Variants in RHBDL3 observed in about 807,000 individuals in gnomAD.
The protein encoded by RHBDL3 is rhomboid like 3.
RHBDL3 carries 28 observed loss-of-function variants against 48.2 expected under a neutral mutation model. The ratio of observed to expected loss-of-function variants is 0.58; its 90% CI spans 0.43 to 0.80. The LOEUF is 0.80. RHBDL3 is among the 30% of genes least tolerant of loss of function. The pLI is 0.00. For missense variants in RHBDL3, 464 were observed against 542.7 expected, an observed-to-expected ratio of 0.85 and a Z score of 1.44; for synonymous variants, 208 against 232.3, an observed-to-expected ratio of 0.90 and a Z score of 0.95.
chr17:32,292,849 C>T (rs1300492906), intron 4 of RHBDL3, among the ~76,000 whole-genome samples: 1 of 148,756 alleles, frequency 6.7e-6, no homozygotes, highest in Non-Finnish European at 1.5e-5. Context: ...TGCAGTGGCT[C>T]ATGCCTATAA....
intron 2 of RHBDL3, among the ~76,000 whole-genome samples, chr17:32,282,278 G>T (rs2040070314): frequency 6.6e-6 from 1 of 152,194 alleles, no homozygotes; most frequent in African/African-American, 2.4e-5. Context: ...TTAAAAATAT[G>T]CCTCGGGGCC....
Position 32,266,169 on chromosome 17 carries a change from C to T in RHBDL3, c.-21C>T, listed in dbSNP as rs1181850843. 8 of 1,071,930 alleles carry T rather than the reference C, an allele frequency of 7.5e-6. No homozygotes were observed. Among genetic ancestry groups the T allele is most frequent in the East Asian group, 3.8e-5 (1 of 26,114 alleles). 66.4% of individuals were successfully genotyped at this position (1,071,930 alleles called of 1,614,324 possible). On this transcript the variant is annotated 5_prime_UTR_variant, in exon 1 of 9. Coordinates refer to ENST00000269051, the MANE Select transcript of RHBDL3 (RefSeq NM_138328.3). ...GGGACGAGCCCCGCAGCCGCCGCCG[C>T]CCCCGGACCCCGTCTCGGCCATGGG...
chr17:32,316,810 G>A (rs893851903), intron 8 of RHBDL3, among the ~76,000 whole-genome samples: 8 of 151,522 alleles, frequency 5.3e-5, no homozygotes, highest in South Asian at 2.1e-4. Context: ...GAGTCACCAC[G>A]CCTGGCCTTT....
At chr17:32,279,613 GCAAAGATTC>G (rs1458042867) in intron 2 of RHBDL3, among the ~76,000 whole-genome samples, 1 of 152,194 alleles carries the variant, frequency 6.6e-6, no homozygotes, top group Non-Finnish European at 1.5e-5. Flanking sequence ...CCTTGACTGT[GCAAAGATTC>G]CAAATAGAAG....
chr17:32,285,461 G>A (rs1340275256), intron 3 of RHBDL3, among the ~76,000 whole-genome samples: 6 of 152,206 alleles, frequency 3.9e-5, no homozygotes, highest in Middle Eastern at 3.4e-3. Flanking sequence ...CTGCTCAGCC[G>A]ATGCCCTGGG....
intron 3 of RHBDL3, among the ~76,000 whole-genome samples, chr17:32,286,227 C>G (rs1220789546): frequency 6.6e-6 from 1 of 152,196 alleles, no homozygotes; most frequent in Non-Finnish European, 1.5e-5. Context: ...CCTGCTAGGT[C>G]TTAGGGCACG....
chr17:32,294,457 T>A lies in RHBDL3; in HGVS notation c.668+15T>A, dbSNP rs573996305. 6.2e-7 allele frequency: 1 copy of A among 1,610,450 alleles called. No homozygotes were observed. The highest frequency in any genetic ancestry group is 1.3e-5 in the African/African-American group (1 of 74,884). ...ATGCATGCAGGGTGAGTACCTGTCT[T>A]CTTTTGCTCTGTCAAAAGACCCTAC... On this transcript the variant is annotated intron_variant, in intron 5 of 8. Coordinates refer to ENST00000269051, the MANE Select transcript of RHBDL3 (RefSeq NM_138328.3).
intron 3 of RHBDL3, among the ~76,000 whole-genome samples, chr17:32,286,221 C>G (rs2040195870): frequency 6.6e-6 from 1 of 152,144 alleles, no homozygotes; most frequent in South Asian, 2.1e-4. Context: ...AGATGCCCTG[C>G]TAGGTCTTAG....
chr17:32,275,562 G>C lies in RHBDL3; in HGVS notation c.135+7637G>C, dbSNP rs148545789. 8.4e-3 allele frequency among the ~76,000 whole-genome samples: 1,281 copies of C among 152,112 alleles called. 7 individuals carry two copies. Among genetic ancestry groups the C allele is most frequent in the Middle Eastern group, 0.027 (8 of 294 alleles). ...TGCGTTCCAGGGAAGGTGTGAGGTC[G>C]TTTCTTTCCCTCACTTCCCAGATGT... On this transcript the variant is annotated intron_variant, in intron 2 of 8. Coordinates refer to ENST00000269051, the MANE Select transcript of RHBDL3 (RefSeq NM_138328.3).
In RHBDL3 at chr17:32,323,586, G is replaced by A. The variant is rs553173745; in HGVS notation, c.*2357G>A. 1 of 152,274 alleles carries A rather than the reference G, an allele frequency of 6.6e-6. No individual in the cohort carries two copies. Among genetic ancestry groups the A allele is most frequent in the South Asian group, 2.1e-4 (1 of 4,826 alleles). The allele number at this position is 152,274 out of a possible 1,614,324, so 9.4% of individuals were successfully genotyped here. ...AGAGGGGGCTTCCTCTCTTAGGGGT[G>A]AGAAAGCATTGAACTAGAAGATTCT... is the stretch of plus-strand genomic sequence containing the variant. On this transcript the variant is annotated 3_prime_UTR_variant, in exon 9 of 9. Transcript: ENST00000269051.
At chr17:32,317,432 A>G (rs1745783731) in intron 8 of RHBDL3, among the ~76,000 whole-genome samples, 1 of 152,192 alleles carries the variant, frequency 6.6e-6, no homozygotes, top group African/African-American at 2.4e-5. Flanking sequence ...CTCTAGGAAC[A>G]AGATGTCTTC....
intron 6 of RHBDL3, among the ~76,000 whole-genome samples, chr17:32,298,660 A>C (rs1461588711): frequency 6.6e-6 from 1 of 152,250 alleles, no homozygotes. Context: ...CAGGGGAATC[A>C]AAGGGGTGAG....
chr17:32,299,379 A>G (rs535742017), intron 6 of RHBDL3, among the ~76,000 whole-genome samples: 1 of 152,176 alleles, frequency 6.6e-6, no homozygotes, highest in African/African-American at 2.4e-5. Context: ...ATCGTTGGCC[A>G]CCTTGGTCAG....
At chr17:32,282,589 T>C (rs902553344) in intron 2 of RHBDL3, among the ~76,000 whole-genome samples, 19 of 152,174 alleles carry the variant, frequency 1.2e-4, no homozygotes, top group African/African-American at 3.9e-4. Context: ...ATAGACCTCA[T>C]TGGAGATGTC....
chr17:32,278,664 C>T (rs1027064018), intron 2 of RHBDL3, among the ~76,000 whole-genome samples: 2 of 152,146 alleles, frequency 1.3e-5, no homozygotes, highest in Admixed American at 6.6e-5. Context: ...GCACCTATTA[C>T]CAGCCATTCA....
Position 32,300,459 on chromosome 17 carries a change from C to T in RHBDL3, c.781+2255C>T, listed in dbSNP as rs145976634. On this transcript the variant is annotated intron_variant, in intron 6 of 8. Coordinates refer to ENST00000269051, the MANE Select transcript of RHBDL3 (RefSeq NM_138328.3). ...CCACCAGCTACTTGGGAGGCTGATG[C>T]AGGAGGATCGCTTGAGCCCAGAAGT... 4.9e-3 allele frequency among the ~76,000 whole-genome samples: 749 copies of T among 152,194 alleles called. 10 individuals carry two copies. Among genetic ancestry groups the T allele is most frequent in the African/African-American group, 0.016 (667 of 41,516 alleles).
In RHBDL3 at chr17:32,321,146, T is replaced by G. The variant is rs1461835712; in HGVS notation, c.1132T>G (p.Tyr378Asp). 6.2e-7 allele frequency: 1 copy of G among 1,614,240 alleles called. No homozygotes were observed. The highest frequency in any genetic ancestry group is 2.2e-5 in the East Asian group (1 of 44,876). Residue 378 changes from tyrosine (Y) to aspartate (D), a missense_variant, in exon 9 of 9, where the codon TAC becomes GAC. Tyr to Asp is a radical substitution (Grantham distance 160, BLOSUM62 -3). Coordinates refer to ENST00000269051, the MANE Select transcript of RHBDL3 (RefSeq NM_138328.3). ...ACTGTGGTGGATTTTTGTGGCCATGTACACCGTCTTCGTGCTGTTCGCTGT... is the reference window on the plus strand; with the variant it reads ...ACTGTGGTGGATTTTTGTGGCCATGGACACCGTCTTCGTGCTGTTCGCTGT... ...QSLWWIFVAMYTVFVLFAVFW... is the reference protein window; with the variant it reads ...QSLWWIFVAMDTVFVLFAVFW...
intron 7 of RHBDL3, among the ~76,000 whole-genome samples, chr17:32,305,762 C>CAAA (rs2040695760): frequency 6.6e-6 from 1 of 151,212 alleles, no homozygotes; most frequent in African/African-American, 2.4e-5. Flanking sequence ...ACTAAAAATA[C>CAAA]AAAAAATTAG....
intron 2 of RHBDL3, among the ~76,000 whole-genome samples, chr17:32,278,712 C>G (rs1295711269): frequency 6.6e-6 from 1 of 152,184 alleles, no homozygotes; most frequent in East Asian, 1.9e-4. Flanking sequence ...TTGGTTTCCT[C>G]TCCTGTAAAA....
Sources: gnomAD v4.1 joint callset for allele counts (sites outside exome capture counted in the v4.1 genomes callset) on GRCh38, gnomAD v4.1.1 for gene constraint, MANE v1.5 for transcripts, NCBI Gene and HGNC (gene_info 2026-07-23, HGNC 2026-07-21) for gene names.